DMD: variants seen among roughly 807,000 people sequenced by gnomAD.
The protein encoded by DMD is mutant dystrophin.
In DMD, 63 loss-of-function variants were observed where a neutral mutation model predicts 330.1. The observed-to-expected ratio is 0.19, with a 90% confidence interval of 0.16 to 0.24. DMD has a LOEUF of 0.24. DMD is among the 10% of genes least tolerant of loss of function. The pLI is 1.00. For synonymous variants in DMD, 1,223 were observed against 959.8 expected, an observed-to-expected ratio of 1.27 and a Z score of -5.07; for missense variants, 3,344 against 2,684.1, an observed-to-expected ratio of 1.25 and a Z score of -5.43.
chrX:31,228,877 T>C (rs1163384008), intron 63 of DMD, among the ~76,000 whole-genome samples: 1 of 112,273 alleles, frequency 8.9e-6, no homozygotes, highest in Non-Finnish European at 1.9e-5. Context: ...TGTATTATTT[T>C]ATCCAGGGCT....
chrX:31,875,443 T>C, intron 47 of DMD, 70 bp from the exon 48 acceptor site: 1 of 842,916 alleles, frequency 1.2e-6, no homozygotes, highest in Non-Finnish European at 1.7e-6. Context: ...TAAAAATATA[T>C]TTTCAAAAGT....
At chrX:32,501,874 A>G in intron 18 of DMD, 32 bp from the exon 19 acceptor site, 1 of 1,036,435 alleles carries the variant, frequency 9.6e-7, no homozygotes, top group Non-Finnish European at 1.3e-6. Context: ...GAGTAATTCA[A>G]TACAAGGACT....
At chrX:32,949,106 C>T (rs1024196648) in intron 2 of DMD, among the ~76,000 whole-genome samples, 1 of 110,628 alleles carries the variant, frequency 9.0e-6, no homozygotes, top group South Asian at 3.8e-4. Context: ...TCTATAGTGC[C>T]TTGAATTAAC....
chrX:32,228,869 C>A (rs2097157405), intron 43 of DMD, among the ~76,000 whole-genome samples: 1 of 111,292 alleles, frequency 9.0e-6, no homozygotes, highest in Admixed American at 9.6e-5. Flanking sequence ...GAAATAGGAG[C>A]AAAAGCAACC....
At chrX:31,529,688 C>T (rs2073558452) in intron 55 of DMD, among the ~76,000 whole-genome samples, 1 of 112,142 alleles carries the variant, frequency 8.9e-6, no homozygotes, top group Non-Finnish European at 1.9e-5. Flanking sequence ...CAGTGGTTCA[C>T]ACCACTGTTT....
intron 48 of DMD, among the ~76,000 whole-genome samples, chrX:31,868,016 C>T (rs1014062471): frequency 9.0e-6 from 1 of 111,659 alleles, no homozygotes; most frequent in Non-Finnish European, 1.9e-5. Context: ...TTCAGTAAAA[C>T]AGGACCATCT....
At chrX:32,558,251 A>G (rs998880301) in intron 16 of DMD, among the ~76,000 whole-genome samples, 1 of 111,628 alleles carries the variant, frequency 9.0e-6, no homozygotes, top group Non-Finnish European at 1.9e-5. Flanking sequence ...AACTGTGTGA[A>G]TTAACTGCAC....
intron 41 of DMD, among the ~76,000 whole-genome samples, chrX:32,320,305 GT>G (rs1366718476): frequency 9.0e-6 from 1 of 111,632 alleles, no homozygotes; most frequent in Non-Finnish European, 1.9e-5. Flanking sequence ...TTTCAAGGAA[GT>G]ATTCTCTTCA....
intron 64 of DMD, among the ~76,000 whole-genome samples, chrX:31,214,980 C>CTCAAA (rs1307137317): frequency 1.4e-5 from 1 of 70,068 alleles, no homozygotes; most frequent in East Asian, 5.6e-4. Context: ...CTTGCTCTGT[C>CTCAAA]ACCCAGGCTG....
intron 65 of DMD, 43 bp from the exon 66 acceptor site, chrX:31,206,710 C>T (rs1350898435): frequency 4.9e-5 from 52 of 1,054,575 alleles, no homozygotes; most frequent in Non-Finnish European, 6.9e-5. Context: ...CTGACCCTTT[C>T]CTAGAGGGTA....
At chrX:31,830,911 A>T (rs2093013074) in intron 49 of DMD, among the ~76,000 whole-genome samples, 1 of 111,969 alleles carries the variant, frequency 8.9e-6, no homozygotes, top group Non-Finnish European at 1.9e-5. Context: ...CTCCTTTACC[A>T]ACGACGTGTC....
At chrX:32,536,538 T>G (rs1392132146) in intron 17 of DMD, among the ~76,000 whole-genome samples, 2 of 112,172 alleles carry the variant, frequency 1.8e-5, no homozygotes, top group African/African-American at 6.5e-5. Flanking sequence ...TAGCAGACAG[T>G]GAACTGTTTG....
At chrX:32,899,138 T>C (rs889574238) in intron 2 of DMD, among the ~76,000 whole-genome samples, 2 of 112,188 alleles carry the variant, frequency 1.8e-5, no homozygotes, top group African/African-American at 6.5e-5. Flanking sequence ...CTAGACTGAA[T>C]TGATTAGCAG....
rs769238894 is a variant in DMD at position 32,818,106 on chromosome X, A to T, written c.358-1466T>A. On this transcript the variant is annotated intron_variant, in intron 5 of 78. Coordinates refer to ENST00000357033, the MANE Select transcript of DMD (RefSeq NM_004006.3). ...AACCTTTATGTACAGTGACTGCAGG[A>T]GGTGTATTTTGTGTCCTGTGCTAAA... 4.5e-5 allele frequency among the ~76,000 whole-genome samples: 5 copies of T among 112,016 alleles called. No homozygotes were observed. In the South Asian group the frequency reaches 1.5e-3, roughly 33 times the overall value.
chrX:33,294,579 T>G (rs777842491), intron 1 of DMD, among the ~76,000 whole-genome samples: 1 of 110,794 alleles, frequency 9.0e-6, no homozygotes, highest in Non-Finnish European at 1.9e-5. Context: ...TTGTAGGCTC[T>G]GTTTTCTTAT....
chrX:31,291,512 T>C (rs1008019140), intron 62 of DMD, among the ~76,000 whole-genome samples: 3 of 112,270 alleles, frequency 2.7e-5, no homozygotes, highest in African/African-American at 9.7e-5. Context: ...TTGCAACCTC[T>C]GGTTTAGACC....
chrX:32,712,535 C>A (rs976869609), intron 7 of DMD, among the ~76,000 whole-genome samples: 3 of 111,533 alleles, frequency 2.7e-5, no homozygotes, highest in Non-Finnish European at 5.7e-5. Context: ...TTTACATGAA[C>A]CCTCATAATA....
intron 47 of DMD, among the ~76,000 whole-genome samples, chrX:31,919,143 T>C (rs1367496960): frequency 9.0e-6 from 1 of 111,414 alleles, no homozygotes; most frequent in African/African-American, 3.3e-5. Flanking sequence ...GATTCTAACA[T>C]CACTGATAAA....
chrX:33,216,734 C>CT (rs962738915), intron 1 of DMD, among the ~76,000 whole-genome samples: 137 of 111,151 alleles, frequency 1.2e-3, no homozygotes, highest in African/African-American at 4.2e-3. Flanking sequence ...TTTTAAATTA[C>CT]TTTTTTTTGT....
Sources: allele counts gnomAD v4.1 joint callset (sites outside exome capture counted in the v4.1 genomes callset), GRCh38; gene constraint gnomAD v4.1.1; transcripts MANE v1.5; gene names NCBI Gene and HGNC (gene_info 2026-07-23, HGNC 2026-07-21).